ADGRE5: variants seen among roughly 807,000 people sequenced by gnomAD.
The protein encoded by ADGRE5 is adhesion G protein-coupled receptor E5, also known as CD97 molecule.
A neutral mutation model predicts 100.3 loss-of-function variants in ADGRE5; 72 were observed. The ratio of observed to expected loss-of-function variants is 0.72; its 90% CI spans 0.59 to 0.87. The LOEUF (loss-of-function observed/expected upper bound fraction) is 0.87. ADGRE5 is among the 40% of genes least tolerant of loss of function. ADGRE5 has a pLI of 0.00. For synonymous variants in ADGRE5, 439 were observed against 447.8 expected, an observed-to-expected ratio of 0.98 and a Z score of 0.25; for missense variants, 959 against 1,094.7, an observed-to-expected ratio of 0.88 and a Z score of 1.75.
At position 14,407,223 on chromosome 19, in the gene ADGRE5, CAAG is replaced by C. The variant is rs773916034; in HGVS notation, c.2374_2376del (p.Lys792del). The C allele has an allele frequency of 7.4e-6, 12 of 1,613,812 alleles. No homozygotes were observed. The highest frequency in any genetic ancestry group is 1.3e-5 in the African/African-American group (1 of 74,920). On this transcript the variant is annotated inframe_deletion, in exon 18 of 20. Coordinates refer to ENST00000242786, the MANE Select transcript of ADGRE5 (RefSeq NM_078481.4). The stretch of plus-strand genomic sequence containing the variant: ...TCTACCTGCTGCACTGCCTGCTCAA[CAAG>C]AAGGTGGGGGCCTGGGCACAGTGGC...
rs574798981 is a variant in ADGRE5, at chr19:14,408,592, TAC to T, written c.*473_*474del. On this transcript the variant is annotated 3_prime_UTR_variant, in exon 20 of 20. Transcript: ENST00000242786. ...TGGGGCCACTGCCTGAGGCTCACGGTACAGAGGCCTGCCCTGCCTGGCCGGGC... is the reference window on the plus strand; with the variant it reads ...TGGGGCCACTGCCTGAGGCTCACGGTAGAGGCCTGCCCTGCCTGGCCGGGC... The T allele has an allele frequency of 6.6e-5, 29 of 440,970 alleles. No individual in the cohort carries two copies. The highest frequency in any genetic ancestry group is 5.3e-4 in the African/African-American group (27 of 51,056). The allele number at this position is 440,970 out of a possible 1,614,324, so 27.3% of individuals were successfully genotyped here. A position where few individuals can be genotyped will look rare whatever the true frequency, so the allele number is the denominator to read the frequency against.
Position 14,398,147 on chromosome 19 carries a change from C to T in ADGRE5, c.897+8C>T. ...GCCGAGGTCACCATCCAGGTAAGGG[C>T]AGGATGCTGGGGGACCCCAGGACAG... is the stretch of plus-strand genomic sequence containing the variant. On this transcript the variant is annotated splice_region_variant and intron_variant, in intron 9 of 19. Transcript: ENST00000242786. 1.9e-6 allele frequency: 3 copies of T among 1,613,802 alleles called. No homozygotes were observed. Among genetic ancestry groups the T allele is most frequent in the Non-Finnish European group, 2.5e-6 (3 of 1,179,708 alleles).
chr19:14,387,669 A>G (rs1442511833), intron 1 of ADGRE5, among the ~76,000 whole-genome samples: 1 of 151,962 alleles, frequency 6.6e-6, no homozygotes, highest in African/African-American at 2.4e-5. Flanking sequence ...CGGAGCTTGC[A>G]GTGAGCTGAG....
At position 14,381,548 on chromosome 19, in the gene ADGRE5, A is replaced by T. The variant is rs1443098647; in HGVS notation, c.22+3A>T. 6.2e-7 allele frequency: 1 copy of T among 1,606,760 alleles called. No individual in the cohort carries two copies. Among genetic ancestry groups the T allele is most frequent in the African/African-American group, 1.4e-5 (1 of 73,938 alleles). Reference sequence around the variant, plus strand: ...CATGGGAGGCCGCGTCTTTCTCGGTAAGTACTTTGGGGCCCCGCTGGGAGG... The same window carrying T: ...CATGGGAGGCCGCGTCTTTCTCGGTTAGTACTTTGGGGCCCCGCTGGGAGG... On this transcript the variant is annotated splice_donor_region_variant and intron_variant, in intron 1 of 19. Transcript: ENST00000242786.
chr19:14,405,891 C>T lies in ADGRE5; in HGVS notation c.1773C>T (p.Phe591=). The T allele has an allele frequency of 6.2e-7, 1 of 1,611,800 alleles. No homozygotes were observed. Among genetic ancestry groups the T allele is most frequent in the Non-Finnish European group, 8.5e-7 (1 of 1,179,980 alleles). Residue 591 remains phenylalanine, a synonymous_variant, in exon 14 of 20, where the codon TTC becomes TTT. Coordinates refer to ENST00000242786, the MANE Select transcript of ADGRE5 (RefSeq NM_078481.4). Reference sequence around the variant, plus strand: ...ACCTGCACCTCTGCATCTGCCTCTTCGTGGGCTCCACCATCTTCCTGGCCG... The same window carrying T: ...ACCTGCACCTCTGCATCTGCCTCTTTGTGGGCTCCACCATCTTCCTGGCCG... The part of the protein sequence containing the change: ...TIHLHLCICL[F]VGSTIFLAGI...
intron 1 of ADGRE5, among the ~76,000 whole-genome samples, chr19:14,382,151 G>A (rs993602480): frequency 6.6e-6 from 1 of 152,226 alleles, no homozygotes; most frequent in Admixed American, 6.5e-5. Flanking sequence ...CAAGGTGACT[G>A]TAACGGTTAT....
At chr19:14,403,424 C>T (rs981283998) in intron 12 of ADGRE5, among the ~76,000 whole-genome samples, 2 of 152,132 alleles carry the variant, frequency 1.3e-5, no homozygotes, top group Non-Finnish European at 2.9e-5. Context: ...GCGATTATAG[C>T]TCACTGCAAC....
intron 4 of ADGRE5, among the ~76,000 whole-genome samples, chr19:14,395,036 C>G (rs1281305416): frequency 6.6e-6 from 1 of 152,188 alleles, no homozygotes. Context: ...TGCCGTGACT[C>G]ATGCCTGGAA....
At chr19:14,391,167 T>G in intron 4 of ADGRE5, 88 bp downstream of exon 4, 1 of 1,564,856 alleles carries the variant, frequency 6.4e-7, no homozygotes. Context: ...GAGCAGGGCC[T>G]TGGTTGTAGG....
intron 11 of ADGRE5, 52 bp from the exon 12 acceptor site, chr19:14,402,545 G>C: frequency 1.2e-6 from 2 of 1,600,876 alleles, no homozygotes; most frequent in Non-Finnish European, 1.7e-6. Flanking sequence ...AGGGAGGATA[G>C]AGCATGGGAG....
At chr19:14,399,615 C>T (rs1403327237) in intron 9 of ADGRE5, among the ~76,000 whole-genome samples, 5 of 143,592 alleles carry the variant, frequency 3.5e-5, no homozygotes, top group Admixed American at 1.4e-4. Flanking sequence ...TGGTGGTGCA[C>T]GCCTGTAATC....
chr19:14,399,397 T>C (rs1975916049), intron 9 of ADGRE5, among the ~76,000 whole-genome samples: 1 of 149,972 alleles, frequency 6.7e-6, no homozygotes, highest in Non-Finnish European at 1.5e-5. Context: ...ACCCCATCTC[T>C]ACTAAAAATA....
In ADGRE5 at chr19:14,390,912, G is replaced by A. The variant is rs773574215; in HGVS notation, c.191-12G>A. 5 of 1,613,654 alleles carry A rather than the reference G, an allele frequency of 3.1e-6. No individual in the cohort carries two copies. Among genetic ancestry groups the A allele is most frequent in the East Asian group, 2.2e-5 (1 of 44,876 alleles). ...TCTTTGGGAGGTGACTCCCTGTCCT[G>A]TTGTGTTCCAGACATCAACGAGTGT... On this transcript the variant is annotated splice_polypyrimidine_tract_variant and intron_variant, in intron 3 of 19. Transcript: ENST00000242786.
At chr19:14,390,480 T>C (rs963559859) in intron 3 of ADGRE5, among the ~76,000 whole-genome samples, 5 of 151,616 alleles carry the variant, frequency 3.3e-5, no homozygotes, top group Non-Finnish European at 7.4e-5. Context: ...TGCACCACCA[T>C]GCCCAGATAA....
intron 1 of ADGRE5, among the ~76,000 whole-genome samples, chr19:14,386,785 G>A (rs996647233): frequency 6.6e-6 from 1 of 151,702 alleles, no homozygotes; most frequent in Non-Finnish European, 1.5e-5. Context: ...AGGCCAAGGC[G>A]GGAGGATCAC....
intron 9 of ADGRE5, 49 bp downstream of exon 9, chr19:14,398,188 C>A: frequency 6.3e-7 from 1 of 1,584,418 alleles, no homozygotes; most frequent in Non-Finnish European, 8.7e-7. Context: ...AATCAGCTAG[C>A]GGAGGCTTCC....
rs1435553154 is a variant in ADGRE5 at position 14,406,840 on chromosome 19, C to T, written c.2116-29C>T. The stretch of plus-strand genomic sequence containing the variant: ...GCCCGGCTGGACCATCGCTCTCGCC[C>T]TCTAACCCACAATCTGCTCCCTGCC... On this transcript the variant is annotated intron_variant, in intron 16 of 19. Coordinates refer to ENST00000242786, the MANE Select transcript of ADGRE5 (RefSeq NM_078481.4). The surrounding 1 kb of genome is among the most constrained non-coding windows in gnomAD (Gnocchi z 6.0). 2 of 1,612,364 alleles carry T rather than the reference C, an allele frequency of 1.2e-6. No homozygotes were observed. The highest frequency in any genetic ancestry group is 2.2e-5 in the South Asian group (2 of 91,060).
rs1976374984 is a variant in ADGRE5 at position 14,408,367 on chromosome 19, G to C, written c.*246G>C. On this transcript the variant is annotated 3_prime_UTR_variant, in exon 20 of 20. Transcript: ENST00000242786. ...TGCTCCACCTTGTGACCCAGGGTGG[G>C]GACAGGGGCTGGCCCAGGGCTGCAA... 2 of 613,436 alleles carry C rather than the reference G, an allele frequency of 3.3e-6. No homozygotes were observed. Among genetic ancestry groups the C allele is most frequent in the African/African-American group, 1.8e-5 (1 of 54,388 alleles). The allele number at this position is 613,436 out of a possible 1,614,324, so 38.0% of individuals were successfully genotyped here. A position where few individuals can be genotyped will look rare whatever the true frequency, so the allele number is the denominator to read the frequency against.
chr19:14,399,754 A>C (rs1425722399), intron 9 of ADGRE5, among the ~76,000 whole-genome samples: 1 of 151,922 alleles, frequency 6.6e-6, no homozygotes, highest in Admixed American at 6.6e-5. Context: ...AAAAAAAAAA[A>C]AACAGTTTTC....
Sources: gnomAD v4.1 joint callset for allele counts (sites outside exome capture counted in the v4.1 genomes callset) on GRCh38, gnomAD v4.1.1 for gene constraint, Gnocchi (gnomAD v3.1) non-coding constraint, MANE v1.5 for transcripts, NCBI Gene and HGNC (gene_info 2026-07-23, HGNC 2026-07-21) for gene names.